Variants in MECOM observed in about 807,000 individuals in gnomAD.
MECOM encodes MDS1 and EVI1 complex locus.
MECOM carries 13 observed loss-of-function variants against 116.3 expected under a neutral mutation model. The observed-to-expected ratio is 0.11, with a 90% CI of 0.07 to 0.18. The LOEUF is 0.18. MECOM is among the 10% of genes least tolerant of loss of function. The pLI is 1.00. For missense variants in MECOM, 1,299 were observed against 1,509.0 expected (o/e 0.86, Z 2.31); for synonymous variants, 528 against 535.2 (o/e 0.99, Z 0.19).
intron 2 of MECOM, among the ~76,000 whole-genome samples, chr3:169,280,671 C>T (rs1711744670): frequency 6.6e-6 from 1 of 152,112 alleles, no homozygotes; most frequent in Non-Finnish European, 1.5e-5. Flanking sequence ...ACTGTGAAGT[C>T]CCTAATATGC....
Position 169,312,433 on chromosome 3 carries a change from A to AT in MECOM, c.375+68753dup, listed in dbSNP as rs1484400604. Among the ~76,000 whole-genome samples, 4 of 139,502 alleles carry AT rather than the reference A, an allele frequency of 2.9e-5. No homozygotes were observed. In the Admixed American group the frequency reaches 3.1e-4, roughly 11 times the overall value. 91.5% of individuals were successfully genotyped at this position (139,502 alleles called of 152,430 possible). A position where few individuals can be genotyped will look rare whatever the true frequency, so the allele number is the denominator to read the frequency against. On this transcript the variant is annotated intron_variant, in intron 2 of 16. Coordinates refer to ENST00000651503, the MANE Select transcript of MECOM (RefSeq NM_004991.4). ...GCCCAGGCTGGAGTGCAGTGGCGCG[A>AT]TCTCGGCTCACTGCAAGCTCCGCCT...
At chr3:169,231,066 T>G (rs948988609) in intron 2 of MECOM, among the ~76,000 whole-genome samples, 38 of 152,264 alleles carry the variant, frequency 2.5e-4, no homozygotes, top group Non-Finnish European at 5.9e-5. Flanking sequence ...CAAAATATTC[T>G]TGGTGGAAAT....
intron 1 of MECOM, among the ~76,000 whole-genome samples, chr3:169,500,590 C>T (rs566024689): frequency 1.3e-5 from 2 of 151,844 alleles, no homozygotes; most frequent in East Asian, 3.9e-4. Flanking sequence ...TACAAAAAAA[C>T]ACATATCATT....
At position 169,282,774 on chromosome 3, in the gene MECOM, T is replaced by G. The variant is rs192044060; in HGVS notation, c.375+98413A>C. Reference sequence around the variant, plus strand: ...GTGCACCTCCAATATGTTAATATATTTATTTATAAATTAATCAATTATGCT... The same window carrying G: ...GTGCACCTCCAATATGTTAATATATGTATTTATAAATTAATCAATTATGCT... On this transcript the variant is annotated intron_variant, in intron 2 of 16. Coordinates refer to ENST00000651503, the MANE Select transcript of MECOM (RefSeq NM_004991.4). Among the ~76,000 whole-genome samples, 237 of 152,026 alleles carry G rather than the reference T, an allele frequency of 1.6e-3. 2 individuals carry two copies. The highest frequency in any genetic ancestry group is 5.3e-3 in the African/African-American group (222 of 41,510).
At chr3:169,146,416 G>A in intron 2 of MECOM, 2 of 1,393,092 alleles carry the variant, frequency 1.4e-6, no homozygotes, top group Non-Finnish European at 1.9e-6. Flanking sequence ...ACACACGGAG[G>A]GAGGGGAAGG....
chr3:169,544,208 G>A (rs1050382224), intron 1 of MECOM, among the ~76,000 whole-genome samples: 10 of 152,192 alleles, frequency 6.6e-5, no homozygotes, highest in Non-Finnish European at 1.3e-4. Context: ...AGCTAGAATT[G>A]TTTACAAGGC....
At chr3:169,276,623 A>G (rs1467312728) in intron 2 of MECOM, among the ~76,000 whole-genome samples, 1 of 151,734 alleles carries the variant, frequency 6.6e-6, no homozygotes, top group Admixed American at 6.6e-5. Flanking sequence ...CCACAACTCA[A>G]TCTATGTCTG....
At chr3:169,156,874 T>C (rs1742077814) in intron 2 of MECOM, among the ~76,000 whole-genome samples, 1 of 152,170 alleles carries the variant, frequency 6.6e-6, no homozygotes, top group South Asian at 2.1e-4. Flanking sequence ...AATTAAACCT[T>C]TAAGAATTCA....
At chr3:169,659,273 T>C (rs1055328190) in intron 1 of MECOM, among the ~76,000 whole-genome samples, 5 of 151,608 alleles carry the variant, frequency 3.3e-5, no homozygotes, top group Non-Finnish European at 7.4e-5. Context: ...ACACACACAC[T>C]CACATGCACT....
At chr3:169,510,884 G>T (rs567545235) in intron 1 of MECOM, among the ~76,000 whole-genome samples, 6 of 152,228 alleles carry the variant, frequency 3.9e-5, no homozygotes, top group African/African-American at 1.2e-4. Context: ...GGCAGACATG[G>T]CAAAGGTGTT....
At position 169,518,446 on chromosome 3, in the gene MECOM, A is replaced by C. The variant is rs1756965132; in HGVS notation, c.38-136922T>G. 2.6e-5 allele frequency among the ~76,000 whole-genome samples: 4 copies of C among 151,776 alleles called. No homozygotes were observed. In the South Asian group the frequency reaches 8.4e-4, roughly 32 times the overall value. ...ATTTTTTCCTGGGATTATGAATCTA[A>C]CCTCCAATTCTGGCAACTGGACTCA... is the stretch of plus-strand genomic sequence containing the variant. On this transcript the variant is annotated intron_variant, in intron 1 of 16. Coordinates refer to ENST00000651503, the MANE Select transcript of MECOM (RefSeq NM_004991.4).
chr3:169,548,192 A>AC (rs1760961081), intron 1 of MECOM, among the ~76,000 whole-genome samples: 1 of 151,834 alleles, frequency 6.6e-6, no homozygotes, highest in Non-Finnish European at 1.5e-5. Context: ...CACACACACA[A>AC]AAAAAAAGAA....
At chr3:169,606,047 T>C (rs1768502847) in intron 1 of MECOM, among the ~76,000 whole-genome samples, 2 of 152,164 alleles carry the variant, frequency 1.3e-5, no homozygotes, top group African/African-American at 4.8e-5. Flanking sequence ...GAAAGAATGA[T>C]TATTTAACCT....
At chr3:169,444,173 T>G (rs1744213936) in intron 1 of MECOM, among the ~76,000 whole-genome samples, 1 of 152,148 alleles carries the variant, frequency 6.6e-6, no homozygotes, top group Admixed American at 6.5e-5. Flanking sequence ...CTCCCAAATC[T>G]TATGAGGACT....
At position 169,278,946 on chromosome 3, in the gene MECOM, C is replaced by A. The variant is rs1288806403; in HGVS notation, c.375+102241G>T. Among the ~76,000 whole-genome samples the A allele has an allele frequency of 2.0e-5, 3 of 152,186 alleles. No homozygotes were observed. In the East Asian group the frequency reaches 5.8e-4, roughly 29 times the overall value. On this transcript the variant is annotated intron_variant, in intron 2 of 16. Coordinates refer to ENST00000651503, the MANE Select transcript of MECOM (RefSeq NM_004991.4). Reference sequence around the variant, plus strand: ...AAAGCACCAACATTCCAAATATGAACTATGTTGCACTGTGCTCTGGCCTAG... The same window carrying A: ...AAAGCACCAACATTCCAAATATGAAATATGTTGCACTGTGCTCTGGCCTAG...
intron 2 of MECOM, among the ~76,000 whole-genome samples, chr3:169,295,190 A>C (rs1261134752): frequency 1.3e-5 from 2 of 152,152 alleles, no homozygotes; most frequent in African/African-American, 4.8e-5. Flanking sequence ...CATAGGATCT[A>C]GGTTGACTTT....
At chr3:169,485,901 TA>T (rs1414583785) in intron 1 of MECOM, among the ~76,000 whole-genome samples, 4 of 136,590 alleles carry the variant, frequency 2.9e-5, no homozygotes, top group South Asian at 2.2e-4. Flanking sequence ...ATAGTATATA[TA>T]GTATATATGT....
intron 1 of MECOM, among the ~76,000 whole-genome samples, chr3:169,395,700 C>T (rs1026891781): frequency 4.6e-5 from 7 of 152,200 alleles, no homozygotes; most frequent in African/African-American, 1.7e-4. Context: ...TTTCTCAAGA[C>T]TTTTACTAAG....
At chr3:169,341,464 G>C (rs746368744) in intron 2 of MECOM, among the ~76,000 whole-genome samples, 55 of 150,064 alleles carry the variant, frequency 3.7e-4, no homozygotes, top group Non-Finnish European at 3.0e-5. Context: ...AGAAGGGGCC[G>C]AGCGCGGTGG....
Sources: allele counts gnomAD v4.1 joint callset (sites outside exome capture counted in the v4.1 genomes callset), GRCh38; gene constraint gnomAD v4.1.1; transcripts MANE v1.5; gene names NCBI Gene and HGNC (gene_info 2026-07-23, HGNC 2026-07-21).